Variants in RASD2 observed in about 807,000 individuals in gnomAD.
RASD2 encodes RASD family member 2, also known as GTP-binding protein Rhes.
RASD2 carries 7 observed loss-of-function variants against 15.8 expected under a neutral mutation model. The observed-to-expected ratio is 0.44, with a 90% CI of 0.25 to 0.83. RASD2 has a LOEUF of 0.83. Among genes scored for constraint, RASD2 ranks in the 40% least tolerant of loss-of-function variants. RASD2 has a pLI of 0.20. For synonymous variants in RASD2, 155 were observed against 153.6 expected (o/e 1.01, Z -0.07); for missense variants, 274 against 382.8 (o/e 0.72, Z 2.37).
chr22:35,549,703 G>A (rs1038553701), intron 2 of RASD2, among the ~76,000 whole-genome samples: 1 of 152,186 alleles, frequency 6.6e-6, no homozygotes, highest in African/African-American at 2.4e-5. Flanking sequence ...AGACCAGGAC[G>A]AGTGGGTGAT....
intron 1 of RASD2, among the ~76,000 whole-genome samples, chr22:35,543,019 G>T (rs1183991661): frequency 6.6e-6 from 1 of 152,218 alleles, no homozygotes; most frequent in Non-Finnish European, 1.5e-5. Flanking sequence ...GGCTGGGGGT[G>T]GGTTTTCATA....
At chr22:35,533,289 A>T in the RASD2 span, among the ~76,000 whole-genome samples, 8 of 152,210 alleles carry the variant, frequency 5.3e-5, no homozygotes, top group Non-Finnish European at 1.0e-4. Flanking sequence ...ATCAAATGTG[A>T]TAGAGGATGG....
Position 35,551,820 on chromosome 22 carries a change from A to G in RASD2, c.589A>G (p.Ser197Gly). 1 of 1,614,002 alleles carries G rather than the reference A, an allele frequency of 6.2e-7. No homozygotes were observed. The highest frequency in any genetic ancestry group is 8.5e-7 in the Non-Finnish European group (1 of 1,179,982). Residue 197 changes from serine (S) to glycine (G), a missense_variant, in exon 3 of 3, where the codon AGC becomes GGC. Coordinates refer to ENST00000216127, the MANE Select transcript of RASD2 (RefSeq NM_014310.4). The surrounding 1 kb of genome is among the most constrained non-coding windows in gnomAD (Gnocchi z 4.9). ...FSMAKLPHEM[S>G]PALHRKISVQ... ...CATGGCCAAGCTGCCACACGAGATG[A>G]GCCCCGCCCTGCATCGCAAGATCTC...
At position 35,553,865 on chromosome 22, in the gene RASD2, C is replaced by G. The variant is rs1449878719; in HGVS notation, c.*1833C>G. 2 of 153,014 alleles carry G rather than the reference C, an allele frequency of 1.3e-5. No individual in the cohort carries two copies. The highest frequency in any genetic ancestry group is 4.8e-5 in the African/African-American group (2 of 41,468). 9.5% of individuals were successfully genotyped at this position (153,014 alleles called of 1,614,324 possible). A position where few individuals can be genotyped will look rare whatever the true frequency, so the allele number is the denominator to read the frequency against. ...CTCCAACCCTGCCTCTGTCCCCTTC[C>G]CCACCCACTGCCTGAGCCTTCTGAG... On this transcript the variant is annotated 3_prime_UTR_variant, in exon 3 of 3. Transcript: ENST00000216127.
chr22:35,544,917 A>G (rs1449748984), intron 1 of RASD2, among the ~76,000 whole-genome samples: 1 of 152,234 alleles, frequency 6.6e-6, no homozygotes, highest in African/African-American at 2.4e-5. Context: ...TTTAGCTGCA[A>G]AATGAATGCC....
chr22:35,552,194 C>G lies in RASD2; in HGVS notation c.*162C>G. 1.1e-6 allele frequency: 1 copy of G among 900,316 alleles called. No individual in the cohort carries two copies. The highest frequency in any genetic ancestry group is 2.7e-5 in the East Asian group (1 of 37,496). 55.8% of individuals were successfully genotyped at this position (900,316 alleles called of 1,614,324 possible). ...GCGCTGGCCTCCGCACATTCGTCTGCCTTCTCACAGCTTTCCTGAGTCCGC... is the reference window on the plus strand; with the variant it reads ...GCGCTGGCCTCCGCACATTCGTCTGGCTTCTCACAGCTTTCCTGAGTCCGC... On this transcript the variant is annotated 3_prime_UTR_variant, in exon 3 of 3. Transcript: ENST00000216127.
chr22:35,545,973 G>A (rs6518956), intron 1 of RASD2, among the ~76,000 whole-genome samples: 82,020 of 151,950 alleles, frequency 0.54, 22,751 homozygotes, highest in Non-Finnish European at 0.59. Flanking sequence ...GAAAGCTCTG[G>A]GTTTGCCCCA....
At chr22:35,533,627 A>ATGATGGTGATGATGACAGTGATGATG in the RASD2 span, among the ~76,000 whole-genome samples, 1 of 3,838 alleles carries the variant, frequency 2.6e-4, no homozygotes, top group Non-Finnish European at 5.4e-4. Flanking sequence ...TGATGATGGG[A>ATGATGGTGATGATGACAGTGATGATG]ATGATGGTGA....
At chr22:35,545,392 A>G (rs1256727028) in intron 1 of RASD2, among the ~76,000 whole-genome samples, 1 of 152,206 alleles carries the variant, frequency 6.6e-6, no homozygotes, top group African/African-American at 2.4e-5. Context: ...TTGGGCACAT[A>G]CAGCCCTTTG....
chr22:35,534,928 G>A, the RASD2 span, among the ~76,000 whole-genome samples: 1 of 152,134 alleles, frequency 6.6e-6, no homozygotes, highest in East Asian at 1.9e-4. Flanking sequence ...GTCTCAGAGA[G>A]CACCCAACAT....
rs1934336047 is a variant in RASD2, at chr22:35,541,143, C to T, written c.-367C>T. The T allele has an allele frequency of 6.6e-6, 1 of 152,326 alleles. No individual in the cohort carries two copies. Among genetic ancestry groups the T allele is most frequent in the African/African-American group, 2.4e-5 (1 of 41,454 alleles). 9.4% of individuals were successfully genotyped at this position (152,326 alleles called of 1,614,324 possible). On this transcript the variant is annotated 5_prime_UTR_variant, in exon 1 of 3. Transcript: ENST00000216127. ...ACCTCTCTGCCCCCAGCCCGAGAGC[C>T]CCAGGCGGGGACCCCCGGATCGGAC...
chr22:35,545,102 C>T (rs1934460865), intron 1 of RASD2, among the ~76,000 whole-genome samples: 2 of 152,106 alleles, frequency 1.3e-5, no homozygotes, highest in Admixed American at 1.3e-4. Flanking sequence ...TTAGAAGTGA[C>T]CGTAGTGGGA....
upstream of RASD2, among the ~76,000 whole-genome samples, chr22:35,538,568 T>C (rs1255485722): frequency 1.3e-5 from 2 of 152,150 alleles, no homozygotes; most frequent in Admixed American, 6.5e-5. Context: ...AGCCCTACCA[T>C]ACCAGGAGTG....
upstream of RASD2, among the ~76,000 whole-genome samples, chr22:35,540,320 G>A (rs1274571258): frequency 6.6e-6 from 1 of 151,098 alleles, no homozygotes; most frequent in Non-Finnish European, 1.5e-5. Flanking sequence ...CAAGGTGCGC[G>A]CGCCCAGCGG....
chr22:35,536,316 C>A (rs1934247067), upstream of RASD2, among the ~76,000 whole-genome samples: 2 of 151,190 alleles, frequency 1.3e-5, no homozygotes, highest in Admixed American at 1.3e-4. Flanking sequence ...GGTCAAGCCA[C>A]AAACCGTCTC....
At chr22:35,548,127 G>A (rs1934564379) in intron 2 of RASD2, among the ~76,000 whole-genome samples, 1 of 152,184 alleles carries the variant, frequency 6.6e-6, no homozygotes, top group African/African-American at 2.4e-5. Context: ...GGGAAGAAGG[G>A]GTGAGTGGAG....
At position 35,552,083 on chromosome 22, in the gene RASD2, C is replaced by G; in HGVS notation, c.*51C>G. On this transcript the variant is annotated 3_prime_UTR_variant, in exon 3 of 3. Coordinates refer to ENST00000216127, the MANE Select transcript of RASD2 (RefSeq NM_014310.4). ...GCCAGTGCCTTCAGGGAGGTGGCCCCAGATGCCCACTGTGCGCATCTCCCC... is the reference window on the plus strand; with the variant it reads ...GCCAGTGCCTTCAGGGAGGTGGCCCGAGATGCCCACTGTGCGCATCTCCCC... 1.3e-6 allele frequency: 2 copies of G among 1,548,392 alleles called. No individual in the cohort carries two copies. Among genetic ancestry groups the G allele is most frequent in the African/African-American group, 2.7e-5 (2 of 73,936 alleles).
At chr22:35,538,825 C>G (rs1192598323), upstream of RASD2, among the ~76,000 whole-genome samples, 1 of 152,224 alleles carries the variant, frequency 6.6e-6, no homozygotes, top group Non-Finnish European at 1.5e-5. Context: ...AGCGTGCCAC[C>G]CTGCTCACCT....
At chr22:35,539,746 T>TA (rs1315751910), upstream of RASD2, among the ~76,000 whole-genome samples, 7 of 152,146 alleles carry the variant, frequency 4.6e-5, no homozygotes, top group East Asian at 1.9e-4. Context: ...AATGATTCTC[T>TA]AAAAAAACGT....
Sources: allele counts gnomAD v4.1 joint callset (sites outside exome capture counted in the v4.1 genomes callset), GRCh38; gene constraint gnomAD v4.1.1; non-coding constraint Gnocchi (gnomAD v3.1); transcripts MANE v1.5; gene names NCBI Gene and HGNC (gene_info 2026-07-23, HGNC 2026-07-21).